The following GALNT11 variants were observed in gnomAD, a reference collection of about 807,000 sequenced individuals.
GALNT11 encodes UDP-GalNAc:polypeptide N-acetylgalactosaminyltransferase 11.
Under a neutral mutation model 72.7 loss-of-function variants are expected in GALNT11, and 47 were observed. That is an observed-to-expected ratio of 0.65 (90% CI 0.51 to 0.82). GALNT11 has a LOEUF of 0.82. Among genes scored for constraint, GALNT11 ranks in the 40% least tolerant of loss-of-function variants. The pLI is 0.00. For missense variants in GALNT11, 677 were observed against 778.4 expected, an observed-to-expected ratio of 0.87 and a Z score of 1.55; for synonymous variants, 270 against 286.6, an observed-to-expected ratio of 0.94 and a Z score of 0.58.
chr7:152,116,530 C>T (rs904724910), intron 8 of GALNT11, among the ~76,000 whole-genome samples: 9 of 152,304 alleles, frequency 5.9e-5, no homozygotes, highest in Middle Eastern at 3.4e-3. Flanking sequence ...TGAGCCACTG[C>T]GCCTGGCCGA....
Position 152,083,107 on chromosome 7 carries a change from T to C in GALNT11, c.-38-11083T>C, listed in dbSNP as rs999204242. Among the ~76,000 whole-genome samples the C allele has an allele frequency of 1.3e-5, 2 of 152,330 alleles. 1 individual carries two copies. Among genetic ancestry groups the C allele is most frequent in the Non-Finnish European group, 2.9e-5 (2 of 68,032 alleles). ...TTTTGTCTGTGATACCAATTGTGAG[T>C]ATTTTTTCTAGTTTGTCACTTGTCT... On this transcript the variant is annotated intron_variant, in intron 1 of 11. Coordinates refer to ENST00000430044, the MANE Select transcript of GALNT11 (RefSeq NM_022087.4).
chr7:152,108,231 G>T lies in GALNT11; in HGVS notation c.906G>T (p.Trp302Cys). 6.2e-7 allele frequency: 1 copy of T among 1,614,008 alleles called. No individual in the cohort carries two copies. The highest frequency in any genetic ancestry group is 8.5e-7 in the Non-Finnish European group (1 of 1,179,896). The change falls in exon 6 of 12, where the codon TGG (tryptophan) becomes TGT (cysteine). Residue 302 changes from tryptophan to cysteine, a missense_variant. Trp to Cys is a radical substitution (Grantham distance 215). Transcript: ENST00000430044. ...GGFNWGLHFKWDLVPLSELGR... is the reference protein window; with the variant it reads ...GGFNWGLHFKCDLVPLSELGR... ...TCAACTGGGGACTGCACTTCAAATG[G>T]GATCTTGTCCCCCTTTCTGAGCTAG...
rs369479302 is a variant in GALNT11, at chr7:152,091,196, C to T, written c.-38-2994C>T. ...CCAAGTAGCTGGGATTACAGGCGCCCGCCACCACACCTGGCTAATTTATAT... is the reference window on the plus strand; with the variant it reads ...CCAAGTAGCTGGGATTACAGGCGCCTGCCACCACACCTGGCTAATTTATAT... On this transcript the variant is annotated intron_variant, in intron 1 of 11. Transcript: ENST00000430044. 1.9e-3 allele frequency among the ~76,000 whole-genome samples: 290 copies of T among 151,302 alleles called. 2 individuals carry two copies. Among genetic ancestry groups the T allele is most frequent in the African/African-American group, 6.5e-3 (270 of 41,246 alleles).
chr7:152,040,879 T>C (rs1162118544), intron 1 of GALNT11, among the ~76,000 whole-genome samples: 2 of 152,212 alleles, frequency 1.3e-5, no homozygotes, highest in East Asian at 3.8e-4. Flanking sequence ...AAAAACATTC[T>C]CAGCACCTTC....
chr7:152,099,191 C>G (rs2086590604), intron 2 of GALNT11, among the ~76,000 whole-genome samples: 1 of 152,110 alleles, frequency 6.6e-6, no homozygotes, highest in African/African-American at 2.4e-5. Flanking sequence ...ATCCACCCAC[C>G]TTGGCCTCCC....
intron 1 of GALNT11, among the ~76,000 whole-genome samples, chr7:152,072,009 CAAAAA>C (rs11366450): frequency 1.5e-5 from 1 of 67,014 alleles, no homozygotes; most frequent in Admixed American, 1.7e-4. Context: ...AACTCTGTCT[CAAAAA>C]AAAAAAAAAA....
At chr7:152,030,423 TA>T (rs1416019878) in intron 1 of GALNT11, among the ~76,000 whole-genome samples, 2 of 152,190 alleles carry the variant, frequency 1.3e-5, no homozygotes, top group Non-Finnish European at 2.9e-5. Context: ...GAGTGAAGAT[TA>T]TTATAATATT....
intron 1 of GALNT11, among the ~76,000 whole-genome samples, chr7:152,030,372 C>G (rs2082248301): frequency 6.6e-6 from 1 of 152,192 alleles, no homozygotes; most frequent in South Asian, 2.1e-4. Flanking sequence ...CCCTCAGCTC[C>G]TATCCCTGTA....
intron 6 of GALNT11, 100 bp downstream of exon 6, chr7:152,108,387 A>T: frequency 6.7e-7 from 1 of 1,487,628 alleles, no homozygotes; most frequent in Non-Finnish European, 9.0e-7. Context: ...AAGGAGCAAA[A>T]GTGTTAGACT....
intron 1 of GALNT11, among the ~76,000 whole-genome samples, chr7:152,088,800 G>C (rs536367620): frequency 6.6e-6 from 1 of 152,272 alleles, no homozygotes; most frequent in Non-Finnish European, 1.5e-5. Context: ...TCCAGAGTTG[G>C]TGTTATGCAT....
At chr7:152,041,920 G>T (rs1385223119) in intron 1 of GALNT11, among the ~76,000 whole-genome samples, 1 of 152,198 alleles carries the variant, frequency 6.6e-6, no homozygotes, top group Non-Finnish European at 1.5e-5. Flanking sequence ...AATTTTGTCA[G>T]GAGCTGTAAT....
rs1408170441 is a variant in GALNT11, at chr7:152,110,653, A to C, written c.1080+8A>C. On this transcript the variant is annotated splice_region_variant and intron_variant, in intron 7 of 11. Transcript: ENST00000430044. ...TTGGAAATATCATTTCGGGTAATTT[A>C]ATTTTTGCATGCTCAATTAATAACT... is the stretch of plus-strand genomic sequence containing the variant. The C allele has an allele frequency of 6.5e-7, 1 of 1,532,978 alleles. No homozygotes were observed. Among genetic ancestry groups the C allele is most frequent in the Non-Finnish European group, 9.0e-7 (1 of 1,109,730 alleles). The allele number at this position is 1,532,978 out of a possible 1,614,324, so 95.0% of individuals were successfully genotyped here.
intron 4 of GALNT11, 31 bp downstream of exon 4, chr7:152,103,309 T>G (rs779319634): frequency 5.6e-6 from 9 of 1,598,142 alleles, no homozygotes; most frequent in Non-Finnish European, 7.7e-6. Context: ...TAACATTGGA[T>G]CCAGGCTGTC....
intron 1 of GALNT11, among the ~76,000 whole-genome samples, chr7:152,083,471 T>A (rs150467359): frequency 1.3e-5 from 2 of 152,204 alleles, no homozygotes; most frequent in African/African-American, 2.4e-5. Context: ...ACTAAATTTA[T>A]TTATAGCAAA....
intron 1 of GALNT11, among the ~76,000 whole-genome samples, chr7:152,084,483 A>C (rs909607367): frequency 1.3e-5 from 2 of 152,112 alleles, no homozygotes; most frequent in Admixed American, 6.6e-5. Flanking sequence ...AGTGTTTTCA[A>C]ATTTATTGTT....
At chr7:152,080,567 C>T (rs940530115) in intron 1 of GALNT11, among the ~76,000 whole-genome samples, 4 of 152,136 alleles carry the variant, frequency 2.6e-5, no homozygotes, top group African/African-American at 9.7e-5. Flanking sequence ...GATTATATAG[C>T]AAAACATTAA....
chr7:152,066,652 T>C (rs1162890110), intron 1 of GALNT11, among the ~76,000 whole-genome samples: 2 of 152,222 alleles, frequency 1.3e-5, no homozygotes, highest in Non-Finnish European at 2.9e-5. Context: ...TGAACACTTA[T>C]AAGCCATTGT....
intron 9 of GALNT11, 151 bp downstream of exon 9, chr7:152,117,526 A>AG: frequency 1.3e-6 from 1 of 744,212 alleles, no homozygotes; most frequent in South Asian, 1.8e-5. Context: ...TCTTTATGGG[A>AG]ACTTCTCTAC....
intron 1 of GALNT11, among the ~76,000 whole-genome samples, chr7:152,089,709 G>C (rs981709022): frequency 6.6e-6 from 1 of 152,238 alleles, no homozygotes; most frequent in African/African-American, 2.4e-5. Context: ...CAAGGACATA[G>C]AATGTACTAT....
Sources: allele counts gnomAD v4.1 joint callset (sites outside exome capture counted in the v4.1 genomes callset), GRCh38; gene constraint gnomAD v4.1.1; transcripts MANE v1.5; gene names NCBI Gene and HGNC (gene_info 2026-07-23, HGNC 2026-07-21).